The following FYCO1 variants were observed in gnomAD, a reference collection of about 807,000 sequenced individuals.
FYCO1 encodes FYVE and coiled-coil domain-containing protein 1.
In FYCO1, 122 loss-of-function variants were observed where a neutral mutation model predicts 165.1. The observed-to-expected ratio is 0.74, with a 90% CI of 0.64 to 0.86. FYCO1 has a LOEUF of 0.86. FYCO1 is among the 40% of genes least tolerant of loss of function. FYCO1 has a pLI of 0.00. For synonymous variants in FYCO1, 648 were observed against 742.5 expected, an observed-to-expected ratio of 0.87 and a Z score of 2.07; for missense variants, 1,702 against 1,810.3, an observed-to-expected ratio of 0.94 and a Z score of 1.09.
At chr3:45,938,279 G>T in intron 14 of FYCO1, 1 of 1,277,448 alleles carries the variant, frequency 7.8e-7, no homozygotes, top group Non-Finnish European at 1.0e-6. Flanking sequence ...GTAGGAATGG[G>T]ATAGGTGGGT....
At chr3:45,922,375 T>C (rs2125786357) in intron 17 of FYCO1, among the ~76,000 whole-genome samples, 1 of 152,320 alleles carries the variant, frequency 6.6e-6, no homozygotes, top group Non-Finnish European at 1.5e-5. Context: ...TCTGCCCTCA[T>C]CACATCTCTC....
intron 15 of FYCO1, among the ~76,000 whole-genome samples, chr3:45,935,789 C>T (rs1703857717): frequency 6.6e-6 from 1 of 152,160 alleles, no homozygotes; most frequent in Non-Finnish European, 1.5e-5. Context: ...GGCGAGGGGT[C>T]AGCCTTTCTT....
intron 14 of FYCO1, among the ~76,000 whole-genome samples, chr3:45,942,050 C>A (rs1006259870): frequency 6.6e-6 from 1 of 152,218 alleles, no homozygotes; most frequent in Non-Finnish European, 1.5e-5. Flanking sequence ...ATGGTTCATG[C>A]CCATAAGGAA....
chr3:45,969,194 A>C (rs750951239), intron 7 of FYCO1, among the ~76,000 whole-genome samples: 6 of 152,208 alleles, frequency 3.9e-5, no homozygotes, highest in Non-Finnish European at 7.3e-5. Context: ...ATAAATTCAC[A>C]TTTCTAAAAA....
At position 45,962,250 on chromosome 3, in the gene FYCO1, C is replaced by T. The variant is rs138239824; in HGVS notation, c.3412G>A (p.Glu1138Lys). The T allele has an allele frequency of 1.3e-5, 21 of 1,614,102 alleles. No individual in the cohort carries two copies. The highest frequency in any genetic ancestry group is 7.7e-5 in the South Asian group (7 of 91,088). Residue 1138 changes from glutamate to lysine, a missense_variant, in exon 11 of 18, where the codon GAG becomes AAG. Coordinates refer to ENST00000296137, the MANE Select transcript of FYCO1 (RefSeq NM_024513.4). This position sits in a 1 kb window ranked among gnomAD's most constrained non-coding sequence, Gnocchi z 4.4. The part of the protein sequence containing the change: ...DDLNRTKKYL[E>K]ERLIELLRDK... ...CTGAGCAGCTCTATCAGCCGCTCCT[C>T]GAGATACTTCTTGGTTCTGTTGAGG...
intron 14 of FYCO1, among the ~76,000 whole-genome samples, chr3:45,949,163 A>G (rs926498407): frequency 3.3e-5 from 5 of 152,104 alleles, no homozygotes; most frequent in African/African-American, 1.2e-4. Context: ...GATCCTACCT[A>G]CTGTTTCATA....
At chr3:45,960,556 T>A (rs529087263) in intron 11 of FYCO1, among the ~76,000 whole-genome samples, 278 of 152,350 alleles carry the variant, frequency 1.8e-3, no homozygotes, top group African/African-American at 5.9e-3. Context: ...GTGTTTTCCA[T>A]CACACCCCTC....
intron 5 of FYCO1, 22 bp from the exon 6 acceptor site, chr3:45,973,253 A>G (rs1157171772): frequency 6.2e-7 from 1 of 1,611,980 alleles, no homozygotes; most frequent in Admixed American, 1.7e-5. Context: ...CATGTCAATT[A>G]TAAGAGTAAT....
chr3:45,969,841 G>A, intron 6 of FYCO1, 76 bp from the exon 7 acceptor site: 2 of 1,234,382 alleles, frequency 1.6e-6, no homozygotes, highest in Non-Finnish European at 2.3e-6. Flanking sequence ...TGGTCACTAG[G>A]CAACCAGGTG....
At chr3:45,980,351 AAG>A (rs1706983936) in intron 3 of FYCO1, among the ~76,000 whole-genome samples, 1 of 73,562 alleles carries the variant, frequency 1.4e-5, no homozygotes, top group South Asian at 1.2e-3. Flanking sequence ...CTCTGTCTCA[AAG>A]AAAAAAAAAA....
intron 16 of FYCO1, among the ~76,000 whole-genome samples, chr3:45,925,510 T>A (rs1426855918): frequency 1.3e-5 from 2 of 152,258 alleles, no homozygotes; most frequent in Non-Finnish European, 2.9e-5. Context: ...TAAACATTTT[T>A]AACTTGTACA....
At chr3:45,965,846 G>A (rs1408565270) in intron 8 of FYCO1, among the ~76,000 whole-genome samples, 2 of 152,208 alleles carry the variant, frequency 1.3e-5, no homozygotes, top group Admixed American at 6.5e-5. Flanking sequence ...AAGGAAAAGT[G>A]CAGAGGATGT....
At chr3:45,984,585 A>G in intron 2 of FYCO1, 1 of 580,834 alleles carries the variant, frequency 1.7e-6, no homozygotes, top group East Asian at 3.0e-5. Flanking sequence ...TGTGTGCACT[A>G]ATGGAAATCA....
Position 45,962,508 on chromosome 3 carries a change from C to A in FYCO1, c.3270-116G>T. On this transcript the variant is annotated intron_variant, in intron 10 of 17. Transcript: ENST00000296137. This position sits in a 1 kb window ranked among gnomAD's most constrained non-coding sequence, Gnocchi z 4.4. ...TACTGCCCTCCGCCATGGGGGAGCCCCTTGGTATCTGCTCACAGCTTATGC... is the reference window on the plus strand; with the variant it reads ...TACTGCCCTCCGCCATGGGGGAGCCACTTGGTATCTGCTCACAGCTTATGC... 1 of 917,126 alleles carries A rather than the reference C, an allele frequency of 1.1e-6. No individual in the cohort carries two copies. Among genetic ancestry groups the A allele is most frequent in the South Asian group, 1.3e-5 (1 of 75,826 alleles). The allele number at this position is 917,126 out of a possible 1,614,324, so 56.8% of individuals were successfully genotyped here.
rs1707076032 is a variant in FYCO1 at position 45,981,807 on chromosome 3, G to A, written c.56-131C>T. 7.0e-6 allele frequency: 5 copies of A among 710,422 alleles called. No homozygotes were observed. The South Asian group carries it at 7.4e-5, about 11-fold the overall frequency. 44.0% of individuals were successfully genotyped at this position (710,422 alleles called of 1,614,324 possible). ...GCACCTCTGAAACATAAAAGGGTATGTAAGTATCCATGAGATATAACTCCA... is the reference window on the plus strand; with the variant it reads ...GCACCTCTGAAACATAAAAGGGTATATAAGTATCCATGAGATATAACTCCA... On this transcript the variant is annotated intron_variant, in intron 2 of 17. Transcript: ENST00000296137.
At chr3:45,972,484 CAA>C (rs1368987632) in intron 6 of FYCO1, among the ~76,000 whole-genome samples, 1 of 152,100 alleles carries the variant, frequency 6.6e-6, no homozygotes, top group Non-Finnish European at 1.5e-5. Flanking sequence ...GATTTTAACC[CAA>C]GTCAGGTGTC....
chr3:45,933,988 C>CA (rs1266778931), intron 15 of FYCO1, among the ~76,000 whole-genome samples: 1 of 148,650 alleles, frequency 6.7e-6, no homozygotes, highest in Non-Finnish European at 1.5e-5. Context: ...TTACAATAAC[C>CA]AAAATAAAAA....
intron 14 of FYCO1, among the ~76,000 whole-genome samples, chr3:45,950,500 G>A (rs1439691458): frequency 6.6e-6 from 1 of 152,110 alleles, no homozygotes; most frequent in East Asian, 1.9e-4. Flanking sequence ...TACCCCTACT[G>A]GAGGGGTGGA....
In FYCO1 at chr3:45,923,726, TCTC is replaced by T. The variant is rs774142616; in HGVS notation, c.4288_4290del (p.Glu1430del). The T allele has an allele frequency of 5.6e-6, 9 of 1,613,966 alleles. No homozygotes were observed. In the South Asian group the frequency reaches 7.7e-5, roughly 14 times the overall value. The stretch of plus-strand genomic sequence containing the variant: ...CGAACCTTGAGCTGGCCCTGGATGT[TCTC>T]CTTGTGGGAGTTGCATCGGGTCGTG... On this transcript the variant is annotated inframe_deletion, in exon 17 of 18. Coordinates refer to ENST00000296137, the MANE Select transcript of FYCO1 (RefSeq NM_024513.4).
Sources: gnomAD v4.1 joint callset for allele counts (sites outside exome capture counted in the v4.1 genomes callset) on GRCh38, gnomAD v4.1.1 for gene constraint, Gnocchi (gnomAD v3.1) non-coding constraint, MANE v1.5 for transcripts, NCBI Gene and HGNC (gene_info 2026-07-23, HGNC 2026-07-21) for gene names.